ZNF735: variants seen among roughly 807,000 people sequenced by gnomAD.
ZNF735 encodes the protein putative zinc finger protein 735.
Under a neutral mutation model 13.4 loss-of-function variants are expected in ZNF735, and 11 were observed. The observed-to-expected ratio is 0.82, with a 90% CI of 0.52 to 1.36. ZNF735 has a LOEUF of 1.36. Ranked by LOEUF, ZNF735 falls within the 40% of genes most tolerant of loss-of-function variation. ZNF735 has a pLI of 0.00. For synonymous variants in ZNF735, 171 were observed against 162.6 expected (o/e 1.05, Z -0.39); for missense variants, 500 against 484.6 (o/e 1.03, Z -0.30).
chr7:64,207,763 C>A (rs372777604), intron 1 of ZNF735, among the ~76,000 whole-genome samples: 1 of 152,034 alleles, frequency 6.6e-6, no homozygotes, highest in Non-Finnish European at 1.5e-5. Flanking sequence ...CCGAGGCGGG[C>A]GGATCACGAG....
intron 1 of ZNF735, among the ~76,000 whole-genome samples, chr7:64,208,170 C>A (rs895119360): frequency 6.7e-6 from 1 of 148,948 alleles, no homozygotes; most frequent in African/African-American, 2.5e-5. Context: ...TTGGTTATGT[C>A]ATCAGAGATT....
chr7:64,217,273 C>G lies in ZNF735; in HGVS notation c.263-2041C>G, dbSNP rs1389257868. Among the ~76,000 whole-genome samples the G allele has an allele frequency of 2.6e-5, 4 of 152,162 alleles. No individual in the cohort carries two copies. In the East Asian group the frequency reaches 7.7e-4, roughly 29 times the overall value. ...GACATGTTTGGTTCTTTTTTGCCTT[C>G]CACTGTAATTGCAAGCTTCCTCATA... On this transcript the variant is annotated intron_variant, in intron 3 of 3. Coordinates refer to ENST00000429565, the Ensembl canonical transcript of ZNF735.
intron 3 of ZNF735, among the ~76,000 whole-genome samples, chr7:64,216,295 C>CA (rs200866185): frequency 0.3 from 42,771 of 140,542 alleles, 7,044 homozygotes; most frequent in Non-Finnish European, 0.38. Flanking sequence ...GACTCCATCT[C>CA]AAAAAAAAAA....
At chr7:64,212,748 G>A (rs977252879) in intron 1 of ZNF735, among the ~76,000 whole-genome samples, 14 of 150,384 alleles carry the variant, frequency 9.3e-5, no homozygotes, top group African/African-American at 2.0e-4. Flanking sequence ...CCAAGATCAC[G>A]CTACTGCACT....
chr7:64,207,312 A>G, intron 1 of ZNF735, 71 bp downstream of exon 1: 5 of 1,613,930 alleles, frequency 3.1e-6, no homozygotes, highest in Non-Finnish European at 4.2e-6. Context: ...TGGCTGCAGC[A>G]GGACCCATAC....
intron 3 of ZNF735, among the ~76,000 whole-genome samples, chr7:64,218,973 T>C (rs1172113178): frequency 6.6e-6 from 1 of 152,174 alleles, no homozygotes; most frequent in Non-Finnish European, 1.5e-5. Flanking sequence ...CACTCACTTT[T>C]GATCTCAGAA....
chr7:64,219,499 T>C (rs754065173), exon 4 of ZNF735: 27 of 1,611,598 alleles, frequency 1.7e-5, no homozygotes, highest in African/African-American at 2.7e-5. Context: ...CCAATGTTTG[T>C]CAAATACCCA....
At chr7:64,218,174 G>A (rs1787444474) in intron 3 of ZNF735, among the ~76,000 whole-genome samples, 2 of 151,188 alleles carry the variant, frequency 1.3e-5, no homozygotes, top group African/African-American at 4.9e-5. Context: ...TCTTTATTTT[G>A]TAGTACATTT....
intron 3 of ZNF735, among the ~76,000 whole-genome samples, chr7:64,214,896 A>G (rs1268838381): frequency 2.6e-5 from 4 of 152,074 alleles, no homozygotes; most frequent in Non-Finnish European, 5.9e-5. Flanking sequence ...GTTTTAAAAA[A>G]AAATTATAGT....
intron 1 of ZNF735, among the ~76,000 whole-genome samples, chr7:64,207,567 C>G (rs928024164): frequency 1.3e-5 from 2 of 152,200 alleles, no homozygotes; most frequent in Non-Finnish European, 2.9e-5. Flanking sequence ...AATCCTGACA[C>G]AGGGTGCAGG....
chr7:64,217,373 A>G (rs1427752405), intron 3 of ZNF735, among the ~76,000 whole-genome samples: 3 of 152,186 alleles, frequency 2.0e-5, no homozygotes, highest in Non-Finnish European at 4.4e-5. Context: ...AGTCTTTTTC[A>G]TTATAAAAGT....
intron 1 of ZNF735, among the ~76,000 whole-genome samples, chr7:64,207,930 T>C (rs902760466): frequency 6.6e-6 from 1 of 151,456 alleles, no homozygotes; most frequent in African/African-American, 2.4e-5. Context: ...GAGGTTGCAG[T>C]GAGCCGAGAT....
rs148741942 is a variant in ZNF735 at position 64,210,837 on chromosome 7, G to A, written c.40-2255G>A. ...TCGGTCTTTCTGCCCTTGGGTGTGT[G>A]TGGTGGTAGCAGGTGAATAGGTTGT... On this transcript the variant is annotated intron_variant, in intron 1 of 3. Transcript: ENST00000429565. Among the ~76,000 whole-genome samples, 390 of 152,326 alleles carry A rather than the reference G, an allele frequency of 2.6e-3. 1 individual carries two copies. Among genetic ancestry groups the A allele is most frequent in the African/African-American group, 8.7e-3 (363 of 41,580 alleles).
At chr7:64,213,716 G>A (rs149875398) in intron 2 of ZNF735, among the ~76,000 whole-genome samples, 2,065 of 152,110 alleles carry the variant, frequency 0.014, 41 homozygotes, top group African/African-American at 0.047. Context: ...ATCCCAGCAC[G>A]TTGGGAGGCC....
At chr7:64,209,527 A>G (rs1787332817) in intron 1 of ZNF735, among the ~76,000 whole-genome samples, 3 of 152,184 alleles carry the variant, frequency 2.0e-5, no homozygotes, top group African/African-American at 7.2e-5. Context: ...GGGTTTCACC[A>G]TCTTGGCCAG....
intron 1 of ZNF735, among the ~76,000 whole-genome samples, chr7:64,208,498 C>G (rs1369968889): frequency 1.3e-5 from 2 of 152,020 alleles, no homozygotes; most frequent in Middle Eastern, 3.4e-3. Flanking sequence ...CTCAGGTGAT[C>G]TGCCTGCCTC....
chr7:64,217,703 G>A (rs1787438730), intron 3 of ZNF735, among the ~76,000 whole-genome samples: 1 of 151,726 alleles, frequency 6.6e-6, no homozygotes, highest in Non-Finnish European at 1.5e-5. Context: ...TTTGTCTCAT[G>A]CTAGTAATGG....
intron 1 of ZNF735, among the ~76,000 whole-genome samples, chr7:64,209,783 G>A (rs1188757086): frequency 6.6e-6 from 1 of 151,968 alleles, no homozygotes; most frequent in African/African-American, 2.4e-5. Context: ...CTAACTTTTT[G>A]ATGTGATGTT....
intron 1 of ZNF735, among the ~76,000 whole-genome samples, chr7:64,211,882 AG>A (rs1174532363): frequency 2.2e-4 from 17 of 77,760 alleles, no homozygotes; most frequent in African/African-American, 7.4e-4. Context: ...AAAAGAAAAA[AG>A]AAAAAAAATA....
Sources: allele counts gnomAD v4.1 joint callset (sites outside exome capture counted in the v4.1 genomes callset), GRCh38; gene constraint gnomAD v4.1.1; transcripts MANE v1.5; gene names NCBI Gene and HGNC (gene_info 2026-07-23, HGNC 2026-07-21).